DMXL2: variants seen among roughly 807,000 people sequenced by gnomAD.
DMXL2 encodes dmX-like protein 2.
A neutral mutation model predicts 331.1 loss-of-function variants in DMXL2; 103 were observed. The observed-to-expected ratio is 0.31, with a 90% CI of 0.27 to 0.37. DMXL2 has a LOEUF of 0.37. DMXL2 is among the 10% of genes least tolerant of loss of function. DMXL2 has a pLI of 1.00. For missense variants in DMXL2, 3,171 were observed against 3,642.9 expected, an observed-to-expected ratio of 0.87 and a Z score of 3.33; for synonymous variants, 1,281 against 1,252.1, an observed-to-expected ratio of 1.02 and a Z score of -0.49.
intron 15 of DMXL2, among the ~76,000 whole-genome samples, chr15:51,511,149 TA>T: frequency 6.6e-6 from 1 of 152,184 alleles, no homozygotes. Context: ...CCTTCATGAC[TA>T]AAACACCAAA....
intron 2 of DMXL2, among the ~76,000 whole-genome samples, chr15:51,569,568 A>G (rs1409179188): frequency 6.6e-6 from 1 of 152,174 alleles, no homozygotes; most frequent in Non-Finnish European, 1.5e-5. Flanking sequence ...CAGACACCAC[A>G]TACAGGAGAG....
At chr15:51,589,540 T>A (rs753213920) in intron 1 of DMXL2, among the ~76,000 whole-genome samples, 5 of 152,130 alleles carry the variant, frequency 3.3e-5, no homozygotes, top group African/African-American at 1.2e-4. Context: ...GATTTGGCCA[T>A]GAAATTAGGG....
rs373999123 is a variant in DMXL2, at chr15:51,616,254, A to G, written c.87+6205T>C. On this transcript the variant is annotated intron_variant, in intron 1 of 43. Coordinates refer to ENST00000560891, the MANE Select transcript of DMXL2 (RefSeq NM_001378457.1). ...CTGAAAGAGATAAATGATAACCATT[A>G]CATTTTTTAGGTGTTCAGGACTAGG... Among the ~76,000 whole-genome samples, 13 of 152,300 alleles carry G rather than the reference A, an allele frequency of 8.5e-5. No homozygotes were observed. The East Asian group carries it at 2.1e-3, about 25-fold the overall frequency.
At chr15:51,591,102 G>A (rs1445208777) in intron 1 of DMXL2, among the ~76,000 whole-genome samples, 1 of 152,226 alleles carries the variant, frequency 6.6e-6, no homozygotes, top group East Asian at 1.9e-4. Flanking sequence ...AGTGGATGCA[G>A]TGCACCGAAC....
chr15:51,615,689 T>G (rs1371117484), intron 1 of DMXL2, among the ~76,000 whole-genome samples: 1 of 152,184 alleles, frequency 6.6e-6, no homozygotes, highest in African/African-American at 2.4e-5. Flanking sequence ...ATGGGAGTTA[T>G]TATGGGAAAG....
At position 51,498,619 on chromosome 15, in the gene DMXL2, T is replaced by C. The variant is rs779311227; in HGVS notation, c.4605A>G (p.Val1535=). 7 of 1,614,186 alleles carry C rather than the reference T, an allele frequency of 4.3e-6. No homozygotes were observed. The South Asian group carries it at 5.5e-5, about 13-fold the overall frequency. Reference sequence around the variant, plus strand: ...TAGTAGCCACTGTATCAGCCAAAGCTACAAGGAACATCTGCTCCAAACGGG... The same window carrying C: ...TAGTAGCCACTGTATCAGCCAAAGCCACAAGGAACATCTGCTCCAAACGGG... ...GLTRLEQMFL[V]ALADTVATTS... Residue 1535 remains valine (V), a synonymous_variant, in exon 18 of 44, where the codon GTA becomes GTG. Transcript: ENST00000560891.
At chr15:51,578,816 G>A (rs542274873) in intron 1 of DMXL2, among the ~76,000 whole-genome samples, 15 of 152,268 alleles carry the variant, frequency 9.9e-5, no homozygotes, top group African/African-American at 3.6e-4. Flanking sequence ...GCTACTAAAA[G>A]TTAAGAGGCT....
At chr15:51,600,277 ACCT>A (rs1329284309) in intron 1 of DMXL2, among the ~76,000 whole-genome samples, 1 of 151,932 alleles carries the variant, frequency 6.6e-6, no homozygotes, top group Non-Finnish European at 1.5e-5. Flanking sequence ...CCTGGTTATC[ACCT>A]CCTTTTAGGA....
chr15:51,577,797 G>A (rs1471625835), intron 1 of DMXL2, among the ~76,000 whole-genome samples: 1 of 152,124 alleles, frequency 6.6e-6, no homozygotes, highest in Non-Finnish European at 1.5e-5. Flanking sequence ...TTCAGTTTTG[G>A]TTATGCCATG....
intron 16 of DMXL2, among the ~76,000 whole-genome samples, chr15:51,505,949 T>TA (rs2046372001): frequency 6.6e-6 from 1 of 152,260 alleles, no homozygotes. Context: ...AGTTTGTTTT[T>TA]AAAAAATCTG....
intron 8 of DMXL2, 147 bp downstream of exon 8, chr15:51,545,436 G>A (rs1283833471): frequency 1.8e-6 from 1 of 546,282 alleles, no homozygotes; most frequent in African/African-American, 1.9e-5. Flanking sequence ...GAATAAATGA[G>A]TAGTCTTACA....
Position 51,448,783 on chromosome 15 carries a change from T to A in DMXL2, c.*201A>T, listed in dbSNP as rs1324859485. ...ATCCTTCATACAATACTAGGTTTTA[T>A]TTTTTTTAGTATGTCAGCATAATAA... On this transcript the variant is annotated 3_prime_UTR_variant, in exon 44 of 44. Transcript: ENST00000560891. 2 of 575,070 alleles carry A rather than the reference T, an allele frequency of 3.5e-6. No homozygotes were observed. The highest frequency in any genetic ancestry group is 5.9e-5 in the East Asian group (2 of 34,172). 35.6% of individuals were successfully genotyped at this position (575,070 alleles called of 1,614,324 possible). A position where few individuals can be genotyped will look rare whatever the true frequency, so the allele number is the denominator to read the frequency against.
Position 51,498,874 on chromosome 15 carries a change from T to G in DMXL2, c.4350A>C (p.Thr1450=). ...DTSYRISEES[T]KIPQSYEDQT... ...GATCTTCATAGCTCTGTGGTATCTT[T>G]GTACTTTCTTCTGAAATTCTGTAGG... is the stretch of plus-strand genomic sequence containing the variant. Residue 1450 remains threonine, a synonymous_variant, in exon 18 of 44, where the codon ACA becomes ACC. Coordinates refer to ENST00000560891, the MANE Select transcript of DMXL2 (RefSeq NM_001378457.1). The G allele has an allele frequency of 6.2e-7, 1 of 1,614,196 alleles. No homozygotes were observed. The highest frequency in any genetic ancestry group is 2.2e-5 in the East Asian group (1 of 44,880).
intron 1 of DMXL2, among the ~76,000 whole-genome samples, chr15:51,595,790 G>A (rs1371901901): frequency 6.6e-6 from 1 of 152,136 alleles, no homozygotes; most frequent in Non-Finnish European, 1.5e-5. Context: ...TCTGATCTTT[G>A]ACAAACCTGA....
intron 1 of DMXL2, among the ~76,000 whole-genome samples, chr15:51,604,644 A>AAC (rs1229786308): frequency 6.6e-6 from 1 of 152,246 alleles, no homozygotes; most frequent in Non-Finnish European, 1.5e-5. Context: ...TGGAAGACTC[A>AAC]AAGATGTCAC....
chr15:51,539,065 C>T (rs1431701964), intron 9 of DMXL2, among the ~76,000 whole-genome samples: 1 of 151,782 alleles, frequency 6.6e-6, no homozygotes, highest in African/African-American at 2.4e-5. Context: ...AAAAAATTAG[C>T]CCAGTGTGGC....
intron 1 of DMXL2, among the ~76,000 whole-genome samples, chr15:51,591,682 T>A (rs2052352572): frequency 6.6e-6 from 1 of 152,062 alleles, no homozygotes; most frequent in Admixed American, 6.6e-5. Context: ...CACCCCCCAG[T>A]AGGGGCAGAC....
chr15:51,490,274 T>C (rs1171433570), intron 20 of DMXL2, among the ~76,000 whole-genome samples: 1 of 152,208 alleles, frequency 6.6e-6, no homozygotes, highest in East Asian at 1.9e-4. Context: ...GGGATGCTGA[T>C]TAAGATGAAG....
Position 51,622,704 on chromosome 15 carries a change from G to A in DMXL2, c.-159C>T, listed in dbSNP as rs1482812671. On this transcript the variant is annotated 5_prime_UTR_variant, in exon 1 of 44. Transcript: ENST00000560891. ...CTCGCCCCCCTTTCGCCTTCCCTCCGCCTCGTCCCTGCCATGGGAGCTCCT... is the reference window on the plus strand; with the variant it reads ...CTCGCCCCCCTTTCGCCTTCCCTCCACCTCGTCCCTGCCATGGGAGCTCCT... 15 of 1,362,878 alleles carry A rather than the reference G, an allele frequency of 1.1e-5. No homozygotes were observed. Among genetic ancestry groups the A allele is most frequent in the Admixed American group, 3.1e-5 (1 of 32,568 alleles). 84.4% of individuals were successfully genotyped at this position (1,362,878 alleles called of 1,614,324 possible). A position where few individuals can be genotyped will look rare whatever the true frequency, so the allele number is the denominator to read the frequency against.
Sources: gnomAD v4.1 joint callset for allele counts (sites outside exome capture counted in the v4.1 genomes callset) on GRCh38, gnomAD v4.1.1 for gene constraint, MANE v1.5 for transcripts, NCBI Gene and HGNC (gene_info 2026-07-23, HGNC 2026-07-21) for gene names.